Variants in TLK1 observed in about 807,000 individuals in gnomAD.
TLK1 encodes the protein serine/threonine-protein kinase tousled-like 1.
TLK1 carries 24 observed loss-of-function variants against 105.3 expected under a neutral mutation model. The ratio of observed to expected loss-of-function variants is 0.23; its 90% confidence interval spans 0.17 to 0.32. The LOEUF is 0.32. TLK1 is among the 10% of genes least tolerant of loss of function. TLK1 has a pLI of 1.00. For missense variants in TLK1, 558 were observed against 910.5 expected (o/e 0.61, Z 4.98); for synonymous variants, 321 against 310.4 (o/e 1.03, Z -0.36).
At chr2:171,081,375 A>G (rs1269315667) in intron 3 of TLK1, among the ~76,000 whole-genome samples, 1 of 152,192 alleles carries the variant, frequency 6.6e-6, no homozygotes, top group Non-Finnish European at 1.5e-5. Flanking sequence ...GAAAAGAGAA[A>G]TATCTAACAT....
At chr2:171,120,648 G>A (rs1235341905) in intron 1 of TLK1, among the ~76,000 whole-genome samples, 1 of 152,212 alleles carries the variant, frequency 6.6e-6, no homozygotes, top group African/African-American at 2.4e-5. Context: ...ATATACAAGT[G>A]CTAGTGAGGA....
At chr2:171,069,887 C>A (rs995961432) in intron 3 of TLK1, among the ~76,000 whole-genome samples, 5 of 152,292 alleles carry the variant, frequency 3.3e-5, no homozygotes, top group South Asian at 2.1e-4. Context: ...TAGGGTCCTT[C>A]AATTTTTAAA....
intron 2 of TLK1, among the ~76,000 whole-genome samples, chr2:171,101,794 T>C (rs1689704888): frequency 6.6e-6 from 1 of 152,032 alleles, no homozygotes; most frequent in Admixed American, 6.5e-5. Flanking sequence ...TTCAAAAGAA[T>C]AGGTTTTTTT....
At chr2:171,161,264 G>A (rs1473879488), upstream of TLK1, among the ~76,000 whole-genome samples, 6 of 151,674 alleles carry the variant, frequency 4.0e-5, no homozygotes, top group Admixed American at 3.3e-4. Context: ...CCGCGGAAGC[G>A]CGCCTCTCTC....
chr2:171,092,517 A>C (rs187870023), intron 2 of TLK1, among the ~76,000 whole-genome samples: 1 of 152,336 alleles, frequency 6.6e-6, no homozygotes, highest in East Asian at 1.9e-4. Flanking sequence ...CTCCCCAAAT[A>C]TCTCTTTAGT....
intron 2 of TLK1, among the ~76,000 whole-genome samples, chr2:171,083,419 A>G (rs968674742): frequency 6.6e-6 from 1 of 152,236 alleles, no homozygotes; most frequent in South Asian, 2.1e-4. Context: ...TTCCTTGACA[A>G]TATTTTTGAA....
chr2:171,084,408 A>G (rs1033849971), intron 2 of TLK1, among the ~76,000 whole-genome samples: 1 of 152,200 alleles, frequency 6.6e-6, no homozygotes, highest in Non-Finnish European at 1.5e-5. Context: ...ATTGAGTACT[A>G]TATAGGTACA....
At chr2:171,206,792 T>C (rs1279183335) in intron 1 of TLK1, among the ~76,000 whole-genome samples, 3 of 152,168 alleles carry the variant, frequency 2.0e-5, no homozygotes, top group Admixed American at 2.0e-4. Context: ...AATAAGCATA[T>C]GAAAAGATGT....
At chr2:171,016,620 A>G (rs1010390687) in intron 12 of TLK1, among the ~76,000 whole-genome samples, 1 of 152,212 alleles carries the variant, frequency 6.6e-6, no homozygotes, top group Non-Finnish European at 1.5e-5. Flanking sequence ...AAAATTATTT[A>G]CCTCAAAATA....
chr2:171,039,677 T>C (rs558690653), intron 11 of TLK1, among the ~76,000 whole-genome samples: 1 of 152,320 alleles, frequency 6.6e-6, no homozygotes, highest in South Asian at 2.1e-4. Context: ...CAAATACTGC[T>C]TATGCTGCAT....
intron 3 of TLK1, among the ~76,000 whole-genome samples, chr2:171,076,219 G>T (rs1688496974): frequency 6.6e-6 from 1 of 151,766 alleles, no homozygotes; most frequent in South Asian, 2.1e-4. Context: ...CTCCATCTCG[G>T]AGGGCGGGGG....
rs192684422 is a variant in TLK1, at chr2:171,216,344, T to C, written c.-6+14801A>G. Among the ~76,000 whole-genome samples, 863 of 152,020 alleles carry C rather than the reference T, an allele frequency of 5.7e-3. 9 individuals are homozygous for C. The highest frequency in any genetic ancestry group is 0.019 in the African/African-American group (800 of 41,464). On this transcript the variant is annotated intron_variant, in intron 1 of 20. Coordinates refer to the TLK1 transcript ENST00000521943. ...ACAAAAAATTAGCCGGGTGTGGTGG[T>C]GGGCGCCTGTAGTCCCAGCTACTCG...
chr2:171,158,737 ACTT>A (rs988758126), intron 1 of TLK1, among the ~76,000 whole-genome samples: 1 of 152,246 alleles, frequency 6.6e-6, no homozygotes, highest in African/African-American at 2.4e-5. Context: ...GCAAGCATCA[ACTT>A]CTCTATGAAA....
chr2:171,059,914 C>T (rs755549027), intron 4 of TLK1: 132 of 1,356,024 alleles, frequency 9.7e-5, no homozygotes, highest in Middle Eastern at 1.8e-4. Context: ...CTCACTGGCC[C>T]GCTGCTCACC....
At chr2:171,215,701 G>A (rs1397868919) in intron 1 of TLK1, among the ~76,000 whole-genome samples, 2 of 152,142 alleles carry the variant, frequency 1.3e-5, no homozygotes, top group African/African-American at 2.4e-5. Context: ...TTTCTCTGGG[G>A]GCTTTGGAAG....
At chr2:171,152,689 C>G (rs1038651929) in intron 1 of TLK1, among the ~76,000 whole-genome samples, 1 of 152,166 alleles carries the variant, frequency 6.6e-6, no homozygotes, top group African/African-American at 2.4e-5. Context: ...AGTTTAAAGC[C>G]TTGTCCATCA....
intron 1 of TLK1, among the ~76,000 whole-genome samples, chr2:171,130,176 G>C (rs767685641): frequency 1.1e-4 from 16 of 152,132 alleles, no homozygotes; most frequent in Non-Finnish European, 2.4e-4. Flanking sequence ...GGCTGAGGCG[G>C]GCAGATCACA....
chr2:171,078,031 C>A lies in TLK1; in HGVS notation c.330+4750G>T, dbSNP rs187600876. Among the ~76,000 whole-genome samples the A allele has an allele frequency of 4.6e-5, 7 of 152,276 alleles. No homozygotes were observed. In the East Asian group the frequency reaches 1.4e-3, roughly 29 times the overall value. ...CAAGCCTTTTTAATTAACACCTATG[C>A]CAAAGACCCCTAGGTCTTCTTATGT... On this transcript the variant is annotated intron_variant, in intron 3 of 20. Transcript: ENST00000431350.
chr2:170,999,477 C>A (rs780519527), intron 18 of TLK1, among the ~76,000 whole-genome samples: 1 of 152,156 alleles, frequency 6.6e-6, no homozygotes, highest in African/African-American at 2.4e-5. Context: ...TCTCTCCAGG[C>A]ACAAGGTGTA....
Sources: allele counts gnomAD v4.1 joint callset (sites outside exome capture counted in the v4.1 genomes callset), GRCh38; gene constraint gnomAD v4.1.1; transcripts MANE v1.5; gene names NCBI Gene and HGNC (gene_info 2026-07-23, HGNC 2026-07-21).